ERC1: variants seen among roughly 807,000 people sequenced by gnomAD.
ERC1 encodes the protein ELKS/RAB6-interacting/CAST family member 1.
Under a neutral mutation model 132.0 loss-of-function variants are expected in ERC1, and 56 were observed. The ratio of observed to expected loss-of-function variants is 0.42; its 90% CI spans 0.34 to 0.53. ERC1 has a LOEUF of 0.53. ERC1 is among the 20% of genes least tolerant of loss of function. ERC1 has a pLI of 0.03. For synonymous variants in ERC1, 478 were observed against 476.1 expected, an observed-to-expected ratio of 1.00 and a Z score of -0.05; for missense variants, 1,202 against 1,349.9, an observed-to-expected ratio of 0.89 and a Z score of 1.72.
At position 1,236,863 on chromosome 12, in the gene ERC1, C is replaced by T. The variant is rs1391616148; in HGVS notation, c.2446C>T (p.Arg816Ter). ...TGCACAAATGTTAGAGGAGGCGCGA[C>T]GACGGGAGGACAATCTCAACGACAG... ...KSAQMLEEAR[R>*]REDNLNDSSQ... Residue 816 changes from arginine to a stop codon, truncating the protein, a stop_gained, in exon 13 of 19, where the codon CGA (arginine) becomes TGA (stop). Transcript: ENST00000360905. LOFTEE classifies it high-confidence loss of function. 2.5e-6 allele frequency: 4 copies of T among 1,614,036 alleles called. No individual in the cohort carries two copies. Among genetic ancestry groups the T allele is most frequent in the East Asian group, 2.2e-5 (1 of 44,888 alleles).
At chr12:1,429,162 C>T (rs1313434342) in intron 17 of ERC1, among the ~76,000 whole-genome samples, 4 of 152,154 alleles carry the variant, frequency 2.6e-5, no homozygotes, top group African/African-American at 9.7e-5. Context: ...TATTTCAAGA[C>T]TAGGATCACA....
intron 12 of ERC1, among the ~76,000 whole-genome samples, chr12:1,213,068 T>A (rs776844036): frequency 6.6e-6 from 1 of 152,218 alleles, no homozygotes; most frequent in East Asian, 1.9e-4. Context: ...GTAATCCCGA[T>A]TCTGCCCTTT....
At chr12:1,435,782 TA>T (rs986046301) in intron 17 of ERC1, among the ~76,000 whole-genome samples, 1 of 152,228 alleles carries the variant, frequency 6.6e-6, no homozygotes, top group Non-Finnish European at 1.5e-5. Flanking sequence ...ATGTTAGCAT[TA>T]AAGATCAGAT....
chr12:1,398,065 C>A (rs1471551818), intron 16 of ERC1, among the ~76,000 whole-genome samples: 1 of 152,170 alleles, frequency 6.6e-6, no homozygotes, highest in African/African-American at 2.4e-5. Flanking sequence ...CTCACTGCAG[C>A]CTCAACCTCC....
intron 1 of ERC1, among the ~76,000 whole-genome samples, chr12:996,234 C>T (rs137922023): frequency 0.082 from 11,947 of 145,132 alleles, 760 homozygotes; most frequent in African/African-American, 0.17. Flanking sequence ...TACAGGTGCC[C>T]GCCACCATGC....
intron 15 of ERC1, among the ~76,000 whole-genome samples, chr12:1,356,945 C>T (rs1371848780): frequency 2.0e-5 from 3 of 152,050 alleles, no homozygotes; most frequent in Non-Finnish European, 4.4e-5. Context: ...AATAAATTAC[C>T]GGGTTTGTTT....
intron 17 of ERC1, among the ~76,000 whole-genome samples, chr12:1,414,919 A>C (rs1319761212): frequency 6.6e-6 from 1 of 152,204 alleles, no homozygotes; most frequent in Non-Finnish European, 1.5e-5. Flanking sequence ...GTAAAAGTAA[A>C]GTTTACATTG....
chr12:1,143,585 C>CT (rs5795961), intron 8 of ERC1, among the ~76,000 whole-genome samples: 6,043 of 143,314 alleles, frequency 0.042, 411 homozygotes, highest in African/African-American at 0.14. Context: ...AGTGCCCTAG[C>CT]TTTTTTTTTT....
intron 18 of ERC1, among the ~76,000 whole-genome samples, chr12:1,486,551 A>C (rs1008698590): frequency 1.3e-5 from 2 of 152,010 alleles, no homozygotes; most frequent in East Asian, 3.9e-4. Flanking sequence ...CAGCCTCCCG[A>C]GTAGCTGGGA....
intron 7 of ERC1, among the ~76,000 whole-genome samples, chr12:1,133,829 G>T (rs1949003237): frequency 6.6e-6 from 1 of 152,074 alleles, no homozygotes; most frequent in Non-Finnish European, 1.5e-5. Flanking sequence ...CCAGCCCCTG[G>T]TAACCACCAT....
chr12:1,029,723 C>A (rs536658397), intron 2 of ERC1, among the ~76,000 whole-genome samples: 1 of 148,734 alleles, frequency 6.7e-6, no homozygotes, highest in East Asian at 2.0e-4. Flanking sequence ...TCAGGCTCTA[C>A]TAGTTAAAAT....
intron 15 of ERC1, among the ~76,000 whole-genome samples, chr12:1,302,909 G>A (rs1033771613): frequency 6.6e-6 from 1 of 152,172 alleles, no homozygotes; most frequent in Non-Finnish European, 1.5e-5. Context: ...GCTGCAGTGA[G>A]CTGTAATCGC....
intron 15 of ERC1, among the ~76,000 whole-genome samples, chr12:1,301,455 T>C (rs1251742999): frequency 6.6e-6 from 1 of 152,164 alleles, no homozygotes; most frequent in African/African-American, 2.4e-5. Flanking sequence ...GAAAATGTAG[T>C]GCCCATACAC....
In ERC1 at chr12:1,493,548, A is replaced by AAAAAATATATATATATATATAT. The variant is rs56939346; in HGVS notation, c.*3319_*3320insAAAATATATATATATATATATA. 2.2e-4 allele frequency: 3 copies of AAAAAATATATATATATATATAT among 13,612 alleles called. No individual in the cohort carries two copies. Among genetic ancestry groups the AAAAAATATATATATATATATAT allele is most frequent in the African/African-American group, 2.2e-4 (1 of 4,564 alleles). The allele number at this position is 13,612 out of a possible 1,614,324, so 0.8% of individuals were successfully genotyped here. On this transcript the variant is annotated 3_prime_UTR_variant, in exon 19 of 19. Transcript: ENST00000360905. ...ACTCCATTTAAAAAAAAAAAAAAAA[A>AAAAAATATATATATATATATAT]ATATATATATATATATATATATATA...
chr12:1,405,614 A>G (rs2091432583), intron 16 of ERC1, among the ~76,000 whole-genome samples: 1 of 152,292 alleles, frequency 6.6e-6, no homozygotes, highest in South Asian at 2.1e-4. Context: ...GAGGCAGGAG[A>G]ATCACTTGAA....
At position 1,491,324 on chromosome 12, in the gene ERC1, G is replaced by A. The variant is rs2094316642; in HGVS notation, c.*1094G>A. The A allele has an allele frequency of 1.7e-5, 4 of 231,146 alleles. No homozygotes were observed. Among genetic ancestry groups the A allele is most frequent in the Admixed American group, 1.1e-4 (2 of 17,738 alleles). The allele number at this position is 231,146 out of a possible 1,614,324, so 14.3% of individuals were successfully genotyped here. On this transcript the variant is annotated 3_prime_UTR_variant, in exon 19 of 19. Coordinates refer to ENST00000360905, the MANE Select transcript of ERC1 (RefSeq NM_178040.4). Reference sequence around the variant, plus strand: ...CTCGTCTTCTCTGAACCTCAGCCTCGTGCATTGCCTGGAACCTTCTTCTAG... The same window carrying A: ...CTCGTCTTCTCTGAACCTCAGCCTCATGCATTGCCTGGAACCTTCTTCTAG...
At chr12:1,401,769 G>A (rs1014361558) in intron 16 of ERC1, among the ~76,000 whole-genome samples, 7 of 148,114 alleles carry the variant, frequency 4.7e-5, no homozygotes, top group African/African-American at 1.7e-4. Context: ...AAAAAAAAGA[G>A]TATTTTTAAA....
intron 2 of ERC1, among the ~76,000 whole-genome samples, chr12:1,039,686 T>C (rs1297124146): frequency 6.6e-6 from 1 of 152,242 alleles, no homozygotes; most frequent in Non-Finnish European, 1.5e-5. Flanking sequence ...ATGATGAATT[T>C]GGTTTTAATT....
chr12:1,267,619 G>A (rs192358718), intron 14 of ERC1, among the ~76,000 whole-genome samples: 33 of 152,096 alleles, frequency 2.2e-4, no homozygotes, highest in African/African-American at 6.5e-4. Flanking sequence ...TTAATTAGCC[G>A]GGCATGAGGG....
Sources: allele counts gnomAD v4.1 joint callset (sites outside exome capture counted in the v4.1 genomes callset), GRCh38; gene constraint gnomAD v4.1.1; transcripts MANE v1.5; gene names NCBI Gene and HGNC (gene_info 2026-07-23, HGNC 2026-07-21).